The following CA2 variants were observed in gnomAD, a reference collection of about 807,000 sequenced individuals.
CA2 encodes the protein carbonic anhydrase 2.
Under a neutral mutation model 27.8 loss-of-function variants are expected in CA2, and 23 were observed. The ratio of observed to expected loss-of-function variants is 0.83; its 90% CI spans 0.59 to 1.17. CA2 has a LOEUF of 1.17. Ranked by LOEUF, CA2 falls within the 50% of genes most tolerant of loss-of-function variation. CA2 has a pLI of 0.00. For synonymous variants in CA2, 99 were observed against 114.9 expected, an observed-to-expected ratio of 0.86 and a Z score of 0.88; for missense variants, 300 against 314.7, an observed-to-expected ratio of 0.95 and a Z score of 0.35.
chr8:85,479,113 G>C (rs887235189), intron 6 of CA2, among the ~76,000 whole-genome samples: 20 of 152,076 alleles, frequency 1.3e-4, no homozygotes, highest in Non-Finnish European at 2.1e-4. Flanking sequence ...GGAAGTATGG[G>C]GGGGCGTGGA....
At chr8:85,468,007 C>T (rs1811654090) in intron 2 of CA2, among the ~76,000 whole-genome samples, 1 of 152,138 alleles carries the variant, frequency 6.6e-6, no homozygotes, top group Non-Finnish European at 1.5e-5. Context: ...TCTCCTGTTC[C>T]CCGGAGCCCA....
chr8:85,479,268 C>T (rs547701631), intron 6 of CA2, among the ~76,000 whole-genome samples: 8 of 152,216 alleles, frequency 5.3e-5, no homozygotes, highest in South Asian at 2.1e-4. Flanking sequence ...TAGCAGAAAT[C>T]GGTTATACTG....
chr8:85,470,862 A>G (rs1811704688), intron 2 of CA2, among the ~76,000 whole-genome samples: 1 of 152,100 alleles, frequency 6.6e-6, no homozygotes, highest in Admixed American at 6.6e-5. Flanking sequence ...TTATGTCTCC[A>G]TCCCTCACAG....
At position 85,473,434 on chromosome 8, in the gene CA2, A is replaced by G. The variant is rs1258721808; in HGVS notation, c.233-259A>G. On this transcript the variant is annotated intron_variant, in intron 2 of 6. Coordinates refer to ENST00000285379, the MANE Select transcript of CA2 (RefSeq NM_000067.3). ...AGAAAGAAAGATGTGAAAAACATCC[A>G]TTCTCCAGACAACGCATGTGAGGAA... The G allele has an allele frequency of 6.8e-6, 4 of 587,118 alleles. No homozygotes were observed. The East Asian group carries it at 1.2e-4, about 17-fold the overall frequency. 36.4% of individuals were successfully genotyped at this position (587,118 alleles called of 1,614,324 possible).
Position 85,470,555 on chromosome 8 carries a change from T to A in CA2, c.233-3138T>A, listed in dbSNP as rs147703551. ...GTTTAAGTGATTAGGGAGAAAAAAT[T>A]AAAAAATATTAAATGTTCAGCTTTT... On this transcript the variant is annotated intron_variant, in intron 2 of 6. Coordinates refer to ENST00000285379, the MANE Select transcript of CA2 (RefSeq NM_000067.3). Among the ~76,000 whole-genome samples, 678 of 152,236 alleles carry A rather than the reference T, an allele frequency of 4.5e-3. 6 individuals are homozygous for A. Among genetic ancestry groups the A allele is most frequent in the African/African-American group, 0.015 (639 of 41,568 alleles).
At chr8:85,480,394 G>A (rs1400220605) in intron 6 of CA2, among the ~76,000 whole-genome samples, 1 of 151,514 alleles carries the variant, frequency 6.6e-6, no homozygotes, top group African/African-American at 2.4e-5. Context: ...GAGTAGCTGA[G>A]ATTACAGGTG....
chr8:85,465,465 A>C lies in CA2; in HGVS notation c.228A>C (p.Lys76Asn). The C allele has an allele frequency of 1.2e-6, 2 of 1,613,390 alleles. No homozygotes were observed. Among genetic ancestry groups the C allele is most frequent in the Non-Finnish European group, 1.7e-6 (2 of 1,179,498 alleles). ...TGGAGTTTGATGACTCTCAGGACAA[A>C]GCAGGTCAGTGTTTAGAAAATAACT... The part of the protein sequence containing the change: ...FNVEFDDSQD[K>N]AVLKGGPLDG... Residue 76 changes from lysine to asparagine, a missense_variant, in exon 2 of 7, where the codon AAA (lysine) becomes AAC (asparagine). Lys to Asn is a moderately conservative substitution (Grantham distance 94). Coordinates refer to ENST00000285379, the MANE Select transcript of CA2 (RefSeq NM_000067.3).
In CA2 at chr8:85,477,179, T is replaced by C; in HGVS notation, c.567T>C (p.Asp189=). 6.2e-7 allele frequency: 1 copy of C among 1,614,050 alleles called. No individual in the cohort carries two copies. Among genetic ancestry groups the C allele is most frequent in the Non-Finnish European group, 8.5e-7 (1 of 1,179,962 alleles). The change falls in exon 6 of 7, where the codon GAT becomes GAC. Residue 189 remains aspartate, a synonymous_variant. Coordinates refer to ENST00000285379, the MANE Select transcript of CA2 (RefSeq NM_000067.3). ...GTGGCCTCCTTCCTGAATCCTTGGA[T>C]TACTGGACCTACCCAGGCTCACTGA... ...DPRGLLPESL[D]YWTYPGSLTT...
At chr8:85,476,636 T>G (rs1315039560) in intron 5 of CA2, among the ~76,000 whole-genome samples, 1 of 152,232 alleles carries the variant, frequency 6.6e-6, no homozygotes, top group Non-Finnish European at 1.5e-5. Context: ...TGCCACCACC[T>G]TGTCATTCTT....
At position 85,480,877 on chromosome 8, in the gene CA2, G is replaced by C; in HGVS notation, c.*88G>C. 1 of 1,457,334 alleles carries C rather than the reference G, an allele frequency of 6.9e-7. No homozygotes were observed. Among genetic ancestry groups the C allele is most frequent in the Non-Finnish European group, 9.6e-7 (1 of 1,045,834 alleles). The allele number at this position is 1,457,334 out of a possible 1,614,324, so 90.3% of individuals were successfully genotyped here. A position where few individuals can be genotyped will look rare whatever the true frequency, so the allele number is the denominator to read the frequency against. On this transcript the variant is annotated 3_prime_UTR_variant, in exon 7 of 7. Coordinates refer to ENST00000285379, the MANE Select transcript of CA2 (RefSeq NM_000067.3). ...GATCTACCTTGGTGATTTGGACCCTGGTTGCTTTGTGTCTAGTTTTCTAGA... is the reference window on the plus strand; with the variant it reads ...GATCTACCTTGGTGATTTGGACCCTCGTTGCTTTGTGTCTAGTTTTCTAGA...
chr8:85,464,212 C>G, intron 1 of CA2, 97 bp downstream of exon 1: 3 of 1,177,994 alleles, frequency 2.5e-6, no homozygotes, highest in Non-Finnish European at 2.4e-6. Context: ...CCGCAGCGCC[C>G]GCACATGCTG....
intron 5 of CA2, among the ~76,000 whole-genome samples, chr8:85,476,898 A>T (rs1448979409): frequency 1.3e-5 from 2 of 151,992 alleles, no homozygotes; most frequent in Non-Finnish European, 2.9e-5. Flanking sequence ...ACATGTGAAA[A>T]TAGTTTTTTT....
At chr8:85,465,499 T>A (rs1263986420) in intron 2 of CA2, 30 bp downstream of exon 2, 1 of 1,572,538 alleles carries the variant, frequency 6.4e-7, no homozygotes, top group South Asian at 1.1e-5. Context: ...CTTGTGTCTT[T>A]TAGCCAGTAG....
At chr8:85,474,204 A>G (rs1316335991) in intron 3 of CA2, 120 bp from the exon 4 acceptor site, 4 of 824,494 alleles carry the variant, frequency 4.9e-6, no homozygotes, top group Non-Finnish European at 8.5e-6. Flanking sequence ...TTTTGATTTA[A>G]AATTATCCAT....
chr8:85,469,302 C>T (rs1179883036), intron 2 of CA2, among the ~76,000 whole-genome samples: 2 of 152,144 alleles, frequency 1.3e-5, no homozygotes, highest in South Asian at 2.1e-4. Flanking sequence ...TAGAACTTCT[C>T]ATAGATTGAG....
chr8:85,468,006 C>G lies in CA2; in HGVS notation c.232+2537C>G, dbSNP rs190064505. 2.6e-5 allele frequency among the ~76,000 whole-genome samples: 4 copies of G among 152,326 alleles called. No individual in the cohort carries two copies. The East Asian group carries it at 7.7e-4, about 29-fold the overall frequency. On this transcript the variant is annotated intron_variant, in intron 2 of 6. Transcript: ENST00000285379. Reference sequence around the variant, plus strand: ...GTGGAGGCCTGGTCCCTCTCCTGTTCCCCGGAGCCCATGCTGGAAATATCT... The same window carrying G: ...GTGGAGGCCTGGTCCCTCTCCTGTTGCCCGGAGCCCATGCTGGAAATATCT...
At chr8:85,465,045 A>T (rs1811605524) in intron 1 of CA2, 1 of 548,494 alleles carries the variant, frequency 1.8e-6, no homozygotes, top group East Asian at 3.1e-5. Flanking sequence ...ACATATATCG[A>T]TTCTAATTCT....
Position 85,480,769 on chromosome 8 carries a change from A to G in CA2, c.763A>G (p.Ile255Val), listed in dbSNP as rs1231560886. The G allele has an allele frequency of 6.2e-7, 1 of 1,613,928 alleles. No homozygotes were observed. Among genetic ancestry groups the G allele is most frequent in the African/African-American group, 1.3e-5 (1 of 75,022 alleles). ...AGCTCAGCCACTGAAGAACAGGCAA[A>G]TCAAAGCTTCCTTCAAATAAGATGG... ...RPAQPLKNRQ[I>V]KASFK Residue 255 changes from isoleucine (I) to valine (V), a missense_variant, in exon 7 of 7, where the codon ATC becomes GTC. Coordinates refer to ENST00000285379, the MANE Select transcript of CA2 (RefSeq NM_000067.3).
Position 85,475,644 on chromosome 8 carries a change from G to A in CA2, c.445-154G>A, listed in dbSNP as rs554234681. ...GAAAGTAGGCAAGTCTATGGTGTCA[G>A]TGTCATCAAGCCAGTACTGATGGGG... On this transcript the variant is annotated intron_variant, in intron 4 of 6. Coordinates refer to ENST00000285379, the MANE Select transcript of CA2 (RefSeq NM_000067.3). Among the ~76,000 whole-genome samples, 40 of 152,242 alleles carry A rather than the reference G, an allele frequency of 2.6e-4. 1 individual carries two copies. In the South Asian group the frequency reaches 8.3e-3, roughly 32 times the overall value.
Sources: gnomAD v4.1 joint callset for allele counts (sites outside exome capture counted in the v4.1 genomes callset) on GRCh38, gnomAD v4.1.1 for gene constraint, MANE v1.5 for transcripts, NCBI Gene and HGNC (gene_info 2026-07-23, HGNC 2026-07-21) for gene names.